Variants in DOCK2 observed in about 807,000 individuals in gnomAD.
DOCK2 encodes dedicator of cytokinesis 2, also known as dedicator of cytokinesis protein 2.
DOCK2 carries 87 observed loss-of-function variants against 248.9 expected under a neutral mutation model. That is an observed-to-expected ratio of 0.35 (90% confidence interval 0.29 to 0.42). DOCK2 has a LOEUF of 0.42. Ranked by LOEUF, DOCK2 falls within the 10% of genes least tolerant of loss-of-function variation. The probability of loss-of-function intolerance (pLI) is 1.00; values close to 1 mark genes in which losing one functional copy is unlikely to be tolerated. For missense variants in DOCK2, 1,747 were observed against 2,300.2 expected (o/e 0.76, Z 4.92); for synonymous variants, 805 against 821.6 (o/e 0.98, Z 0.35).
intron 22 of DOCK2, among the ~76,000 whole-genome samples, chr5:169,734,561 C>T (rs145557932): frequency 1.6e-4 from 25 of 152,194 alleles, no homozygotes; most frequent in South Asian, 1.0e-3. Flanking sequence ...CAACCAGATA[C>T]CTCATTAGTT....
At chr5:169,706,908 G>A (rs1454068299) in intron 14 of DOCK2, among the ~76,000 whole-genome samples, 1 of 152,168 alleles carries the variant, frequency 6.6e-6, no homozygotes, top group Non-Finnish European at 1.5e-5. Context: ...GGCTCACGGA[G>A]TGCCTGTATG....
intron 26 of DOCK2, among the ~76,000 whole-genome samples, chr5:169,806,140 G>T (rs1240936142): frequency 1.3e-5 from 2 of 151,162 alleles, no homozygotes; most frequent in East Asian, 3.9e-4. Flanking sequence ...AGGCCCAAAA[G>T]TACCTAAATT....
chr5:169,891,367 A>G (rs191535747), intron 27 of DOCK2, among the ~76,000 whole-genome samples: 77 of 152,348 alleles, frequency 5.1e-4, no homozygotes, highest in African/African-American at 1.9e-3. Context: ...ATGAATGAAT[A>G]GAGTAAATTC....
chr5:169,933,622 G>A lies in DOCK2; in HGVS notation c.2800-49446G>A, dbSNP rs190410571. On this transcript the variant is annotated intron_variant, in intron 27 of 51. Transcript: ENST00000520908. ...CTCCTTCCCTTTTCTTCCTTCGTTC[G>A]GCCTCCTTCCTTGTGAGGAGTAACA... is the stretch of plus-strand genomic sequence containing the variant. Among the ~76,000 whole-genome samples, 608 of 152,138 alleles carry A rather than the reference G, an allele frequency of 4.0e-3. 1 individual carries two copies. The highest frequency in any genetic ancestry group is 6.7e-3 in the Non-Finnish European group (456 of 67,992).
intron 1 of DOCK2, among the ~76,000 whole-genome samples, chr5:169,641,981 G>A (rs912254843): frequency 6.6e-6 from 1 of 152,212 alleles, no homozygotes; most frequent in East Asian, 1.9e-4. Flanking sequence ...TGAGGGTGCT[G>A]CCCCTGGCAG....
rs562320927 is a variant in DOCK2, at chr5:169,878,773, T to G, written c.2799+37921T>G. ...TAATGCTAAGGAGAAGTGAAGGGAG[T>G]GATTGGGGCCAAAACAGCCTGGAAT... On this transcript the variant is annotated intron_variant, in intron 27 of 51. Transcript: ENST00000520908. 1.8e-4 allele frequency among the ~76,000 whole-genome samples: 28 copies of G among 152,126 alleles called. No homozygotes were observed. The South Asian group carries it at 5.6e-3, about 30-fold the overall frequency.
At chr5:169,689,664 T>A (rs1355104041) in intron 9 of DOCK2, among the ~76,000 whole-genome samples, 4 of 152,250 alleles carry the variant, frequency 2.6e-5, no homozygotes, top group African/African-American at 9.6e-5. Flanking sequence ...AATTTTGATT[T>A]TCCGGTTCAT....
chr5:169,669,765 AC>A (rs1255528262), intron 3 of DOCK2, among the ~76,000 whole-genome samples: 2 of 152,000 alleles, frequency 1.3e-5, no homozygotes, highest in Non-Finnish European at 2.9e-5. Context: ...CTCACATTTC[AC>A]TATTGTCTCC....
At chr5:170,038,095 G>A (rs1233653017) in intron 36 of DOCK2, among the ~76,000 whole-genome samples, 2 of 152,118 alleles carry the variant, frequency 1.3e-5, no homozygotes, top group Non-Finnish European at 1.5e-5. Flanking sequence ...AAAGCTTTGG[G>A]GTCTGAAGGA....
Position 170,045,962 on chromosome 5 carries a change from G to A in DOCK2, c.3966+57G>A. The A allele has an allele frequency of 2.6e-6, 4 of 1,536,792 alleles. No homozygotes were observed. In the South Asian group the frequency reaches 4.5e-5, roughly 17 times the overall value. ...TGCAGGCTGGGTGCTCAGGGCCTCA[G>A]CTCACCCCAGATCCTGGGGAGATGG... On this transcript the variant is annotated intron_variant, in intron 39 of 51. Transcript: ENST00000520908.
At chr5:169,997,920 G>C (rs958060753) in intron 30 of DOCK2, 1 of 456,318 alleles carries the variant, frequency 2.2e-6, no homozygotes, top group South Asian at 1.5e-5. Flanking sequence ...GACTGTATCC[G>C]TGCCTCAAGT....
At chr5:170,069,746 C>T (rs2113869792) in intron 46 of DOCK2, among the ~76,000 whole-genome samples, 1 of 152,326 alleles carries the variant, frequency 6.6e-6, no homozygotes. Flanking sequence ...CAAGCCGCTG[C>T]TCAGCCCACG....
In DOCK2 at chr5:169,800,944, C is replaced by CTTTCTTTTTTTTTTTT. The variant is rs1248380098; in HGVS notation, c.2555-2111_2555-2110insCTTTTTTTTTTTTTTT. Among the ~76,000 whole-genome samples the CTTTCTTTTTTTTTTTT allele has an allele frequency of 7.0e-4, 37 of 53,188 alleles. 2 individuals carry two copies. Among genetic ancestry groups the CTTTCTTTTTTTTTTTT allele is most frequent in the African/African-American group, 3.2e-3 (23 of 7,146 alleles). 34.9% of individuals were successfully genotyped at this position (53,188 alleles called of 152,430 possible). Reference sequence around the variant, plus strand: ...TTTTTCTTTTTTCTTTTCTTTCTTTCTTTTTTTTTTTTTTTTTTTTTTTTT... The same window carrying CTTTCTTTTTTTTTTTT: ...TTTTTCTTTTTTCTTTTCTTTCTTTCTTTCTTTTTTTTTTTTTTTTTTTTTTTTTTTTTTTTTTTTT... On this transcript the variant is annotated intron_variant, in intron 25 of 51. Coordinates refer to ENST00000520908, the MANE Select transcript of DOCK2 (RefSeq NM_004946.3).
intron 44 of DOCK2, among the ~76,000 whole-genome samples, chr5:170,067,210 G>A (rs1015635912): frequency 2.6e-5 from 4 of 152,148 alleles, no homozygotes; most frequent in African/African-American, 9.7e-5. Flanking sequence ...GAATTGGCAT[G>A]TGTTTCACCC....
Position 169,695,800 on chromosome 5 carries a change from C to T in DOCK2, c.844-3C>T. 6.2e-7 allele frequency: 1 copy of T among 1,613,136 alleles called. No individual in the cohort carries two copies. Among genetic ancestry groups the T allele is most frequent in the Admixed American group, 1.7e-5 (1 of 59,744 alleles). On this transcript the variant is annotated splice_region_variant and splice_polypyrimidine_tract_variant and intron_variant, in intron 9 of 51. Transcript: ENST00000520908. ...GGTCAATTTTTTGTTTCTTTCCCCC[C>T]AGGATCTTGGAAACAAAGACCTCAA...
At chr5:169,648,350 G>A (rs972697618) in intron 1 of DOCK2, among the ~76,000 whole-genome samples, 2 of 152,144 alleles carry the variant, frequency 1.3e-5, no homozygotes, top group African/African-American at 4.8e-5. Context: ...CTCTTCTAGT[G>A]GGGCAAATTC....
intron 25 of DOCK2, among the ~76,000 whole-genome samples, chr5:169,783,163 C>T (rs1765802137): frequency 6.6e-6 from 1 of 152,160 alleles, no homozygotes; most frequent in Admixed American, 6.5e-5. Flanking sequence ...AGTTTAAAAC[C>T]TCCAAAAGAT....
At chr5:169,925,578 T>TA (rs1561828965) in intron 27 of DOCK2, among the ~76,000 whole-genome samples, 4,812 of 32,202 alleles carry the variant, frequency 0.15, 1,285 homozygotes, top group East Asian at 0.5. Context: ...AGACTCTGTC[T>TA]TAAAAAAAAA....
intron 33 of DOCK2, among the ~76,000 whole-genome samples, chr5:170,020,165 T>C (rs945308596): frequency 6.6e-6 from 1 of 152,170 alleles, no homozygotes; most frequent in Non-Finnish European, 1.5e-5. Flanking sequence ...TCTCCCCGCC[T>C]TACCTCTTCT....
Sources: allele counts gnomAD v4.1 joint callset (sites outside exome capture counted in the v4.1 genomes callset), GRCh38; gene constraint gnomAD v4.1.1; transcripts MANE v1.5; gene names NCBI Gene and HGNC (gene_info 2026-07-23, HGNC 2026-07-21).